The following NXN variants were observed in gnomAD, a reference collection of about 807,000 sequenced individuals.
NXN encodes the protein nucleoredoxin 1.
A neutral mutation model predicts 48.6 loss-of-function variants in NXN; 16 were observed. That is an observed-to-expected ratio of 0.33 (90% confidence interval 0.22 to 0.50). The LOEUF is 0.50. Among genes scored for constraint, NXN ranks in the 20% least tolerant of loss-of-function variants. The pLI, the probability that NXN is intolerant of heterozygous loss-of-function variation, is 0.98. For synonymous variants in NXN, 281 were observed against 269.6 expected (o/e 1.04, Z -0.41); for missense variants, 492 against 605.5 (o/e 0.81, Z 1.97).
chr17:879,235 A>G (rs1202364058), intron 1 of NXN, among the ~76,000 whole-genome samples: 1 of 151,554 alleles, frequency 6.6e-6, no homozygotes, highest in Non-Finnish European at 1.5e-5. Flanking sequence ...ACTAGTGAAG[A>G]GCAGGGAAAG....
chr17:947,948 G>A (rs1364577022), intron 1 of NXN, among the ~76,000 whole-genome samples: 13 of 151,620 alleles, frequency 8.6e-5, no homozygotes, highest in Admixed American at 7.9e-4. Context: ...CTACTCGGGA[G>A]GCTGAGGCAG....
At chr17:939,366 CA>C (rs34361224) in intron 1 of NXN, among the ~76,000 whole-genome samples, 36,156 of 131,496 alleles carry the variant, frequency 0.27, 4,917 homozygotes, top group African/African-American at 0.33. Flanking sequence ...TTTTTTGAGA[CA>C]AGAGTTTCAC....
chr17:832,898 T>C (rs543184823), intron 1 of NXN, among the ~76,000 whole-genome samples: 42 of 152,066 alleles, frequency 2.8e-4, no homozygotes, highest in African/African-American at 1.0e-3. Flanking sequence ...TGACGCTTTT[T>C]ATTTGTTTCT....
intron 1 of NXN, chr17:877,759 G>A (rs1260744934): frequency 1.3e-5 from 2 of 152,248 alleles, no homozygotes; most frequent in Non-Finnish European, 2.9e-5. Flanking sequence ...CGACTGAAGA[G>A]GAAAGGCCGT....
In NXN at chr17:821,105, G is replaced by A. The variant is rs917112996; in HGVS notation, c.713+1252C>T. Among the ~76,000 whole-genome samples the A allele has an allele frequency of 9.4e-5, 7 of 74,104 alleles. 3 individuals carry two copies. Among genetic ancestry groups the A allele is most frequent in the Admixed American group, 2.6e-4 (2 of 7,828 alleles). 48.6% of individuals were successfully genotyped at this position (74,104 alleles called of 152,430 possible). A position where few individuals can be genotyped will look rare whatever the true frequency, so the allele number is the denominator to read the frequency against. ...ACGGGAGCTGTGGCACGGCAGAGGC[G>A]GGAGCTGTGGCATGGCAGAGCAGGA... On this transcript the variant is annotated intron_variant, in intron 4 of 7. Transcript: ENST00000336868.
chr17:895,013 TTTTTTTTTTTTTTTTTTTTTTG>T (rs2068461827), intron 1 of NXN, among the ~76,000 whole-genome samples: 1 of 102,986 alleles, frequency 9.7e-6, no homozygotes, highest in Admixed American at 1.0e-4. Flanking sequence ...TTTTTTTTTT[TTTTTTTTTTTTTTTTTTTTTTG>T]AGACTAAATC....
At chr17:885,265 A>G (rs1195414058) in intron 1 of NXN, among the ~76,000 whole-genome samples, 3 of 152,130 alleles carry the variant, frequency 2.0e-5, no homozygotes, top group Non-Finnish European at 4.4e-5. Context: ...GGTTGAGACC[A>G]GCCTGGCCAA....
At chr17:872,777 C>T (rs1367443737) in intron 1 of NXN, among the ~76,000 whole-genome samples, 15 of 151,980 alleles carry the variant, frequency 9.9e-5, no homozygotes, top group Admixed American at 7.9e-4. Context: ...CCTGCCACCA[C>T]GTCCAGCTAA....
intron 1 of NXN, among the ~76,000 whole-genome samples, chr17:921,620 G>T (rs1281451626): frequency 6.6e-6 from 1 of 151,938 alleles, no homozygotes; most frequent in African/African-American, 2.4e-5. Flanking sequence ...CACCTGGCCG[G>T]CCCAGGCTCT....
chr17:885,625 C>T (rs34464641), intron 1 of NXN, among the ~76,000 whole-genome samples: 1 of 148,820 alleles, frequency 6.7e-6, no homozygotes, highest in Non-Finnish European at 1.5e-5. Flanking sequence ...CACACATGCC[C>T]CTCTCTGAAG....
intron 1 of NXN, among the ~76,000 whole-genome samples, chr17:921,646 T>A (rs1037091554): frequency 3.3e-5 from 5 of 151,298 alleles, no homozygotes; most frequent in African/African-American, 1.2e-4. Context: ...TCACTGCCCC[T>A]GGACAACACC....
chr17:838,845 C>T lies in NXN; in HGVS notation c.361-12767G>A, dbSNP rs114881724. Among the ~76,000 whole-genome samples, 822 of 152,320 alleles carry T rather than the reference C, an allele frequency of 5.4e-3. 7 individuals are homozygous for T. The highest frequency in any genetic ancestry group is 0.019 in the African/African-American group (772 of 41,564). ...TTCCAAACGGGGGCCGCTCCAAGAACCCACCGTTCCGGGTTGAGTTTGGTC... is the reference window on the plus strand; with the variant it reads ...TTCCAAACGGGGGCCGCTCCAAGAATCCACCGTTCCGGGTTGAGTTTGGTC... On this transcript the variant is annotated intron_variant, in intron 1 of 7. Coordinates refer to ENST00000336868, the MANE Select transcript of NXN (RefSeq NM_022463.5).
At chr17:823,543 G>A (rs1355759064) in intron 3 of NXN, 89 bp downstream of exon 3, 4 of 1,492,238 alleles carry the variant, frequency 2.7e-6, no homozygotes, top group Admixed American at 1.9e-5. Context: ...CTGCCTGGGT[G>A]TCTCACCCCC....
intron 1 of NXN, among the ~76,000 whole-genome samples, chr17:834,945 GCATTCTCAT>G (rs1913707993): frequency 6.6e-6 from 1 of 151,744 alleles, no homozygotes; most frequent in East Asian, 2.0e-4. Flanking sequence ...GCCCCAGGGT[GCATTCTCAT>G]GATCCCTTGC....
Position 929,667 on chromosome 17 carries a change from C to T in NXN, c.360+49652G>A, listed in dbSNP as rs571376560. On this transcript the variant is annotated intron_variant, in intron 1 of 7. Transcript: ENST00000336868. ...AGCATTTCCCACCATACCTACCACG[C>T]ATCCCTCAATCCCTGGAGGCGGCTC... 9.2e-5 allele frequency: 14 copies of T among 152,342 alleles called. No individual in the cohort carries two copies. In the East Asian group the frequency reaches 2.7e-3, roughly 29 times the overall value. The allele number at this position is 152,342 out of a possible 1,614,324, so 9.4% of individuals were successfully genotyped here.
chr17:841,432 GGGCGAGCA>G (rs1914213137), intron 1 of NXN, among the ~76,000 whole-genome samples: 2 of 49,192 alleles, frequency 4.1e-5, no homozygotes, highest in Non-Finnish European at 8.5e-5. Flanking sequence ...CATCTCACAC[GGGCGAGCA>G]GGTCCCCCTG....
intron 1 of NXN, among the ~76,000 whole-genome samples, chr17:883,266 G>A (rs573096272): frequency 1.8e-4 from 27 of 152,262 alleles, no homozygotes; most frequent in African/African-American, 6.5e-4. Context: ...AAGGCTGGGG[G>A]AAGACGATGC....
At chr17:927,701 CAGA>C (rs750428014) in intron 1 of NXN, among the ~76,000 whole-genome samples, 98 of 151,660 alleles carry the variant, frequency 6.5e-4, no homozygotes, top group Admixed American at 1.8e-3. Flanking sequence ...GCGGGAGGAG[CAGA>C]AGGAGGCATA....
chr17:840,626 A>T (rs1244450101), intron 1 of NXN, among the ~76,000 whole-genome samples: 1 of 151,754 alleles, frequency 6.6e-6, no homozygotes, highest in Non-Finnish European at 1.5e-5. Context: ...GGCGTGAGCC[A>T]CCGCGCCCGG....
Sources: gnomAD v4.1 joint callset for allele counts (sites outside exome capture counted in the v4.1 genomes callset) on GRCh38, gnomAD v4.1.1 for gene constraint, MANE v1.5 for transcripts, NCBI Gene and HGNC (gene_info 2026-07-23, HGNC 2026-07-21) for gene names.